The following NECAB2 variants were observed in gnomAD, a reference collection of about 807,000 sequenced individuals.
The protein encoded by NECAB2 is N-terminal EF-hand calcium binding protein 2.
Under a neutral mutation model 51.9 loss-of-function variants are expected in NECAB2, and 68 were observed. That is an observed-to-expected ratio of 1.31 (90% CI 1.08 to 1.60). The LOEUF (loss-of-function observed/expected upper bound fraction) is 1.60, where lower values mean the gene tolerates loss of function less well. Among genes scored for constraint, NECAB2 ranks in the 40% most tolerant of loss-of-function variants. NECAB2 has a pLI of 0.00. For synonymous variants in NECAB2, 329 were observed against 203.5 expected (o/e 1.62, Z -5.25); for missense variants, 854 against 490.3 (o/e 1.74, Z -7.00).
Position 84,001,817 on chromosome 16 carries a change from C to T in NECAB2, c.1041-8C>T, listed in dbSNP as rs368424881. On this transcript the variant is annotated splice_polypyrimidine_tract_variant and splice_region_variant and intron_variant, in intron 11 of 12. Coordinates refer to ENST00000305202, the MANE Select transcript of NECAB2 (RefSeq NM_019065.3). Reference sequence around the variant, plus strand: ...CACCCCTGACTCACACATGTCCCTGCGTCACAGGCACCTGCAGAGCCCCCT... The same window carrying T: ...CACCCCTGACTCACACATGTCCCTGTGTCACAGGCACCTGCAGAGCCCCCT... The T allele has an allele frequency of 1.2e-4, 201 of 1,613,802 alleles. No homozygotes were observed. Among genetic ancestry groups the T allele is most frequent in the Admixed American group, 1.7e-4 (10 of 60,002 alleles).
rs1180571699 is a variant in NECAB2 at position 83,990,455 on chromosome 16, A to C, written c.460-39A>C. The C allele has an allele frequency of 3.1e-6, 5 of 1,607,426 alleles. No individual in the cohort carries two copies. The African/African-American group carries it at 6.7e-5, about 22-fold the overall frequency. On this transcript the variant is annotated intron_variant, in intron 5 of 12. Coordinates refer to ENST00000305202, the MANE Select transcript of NECAB2 (RefSeq NM_019065.3). ...AGACCCCACCTCCAATTTCCCTCCC[A>C]CCCCTTTCCCCTCAGTGCCTCTTCT...
Position 83,997,209 on chromosome 16 carries a change from G to T in NECAB2, c.796-7G>T, listed in dbSNP as rs773622597. The T allele has an allele frequency of 1.9e-6, 3 of 1,614,138 alleles. No individual in the cohort carries two copies. The highest frequency in any genetic ancestry group is 2.5e-6 in the Non-Finnish European group (3 of 1,180,028). On this transcript the variant is annotated splice_region_variant and splice_polypyrimidine_tract_variant and intron_variant, in intron 8 of 12. Coordinates refer to ENST00000305202, the MANE Select transcript of NECAB2 (RefSeq NM_019065.3). ...GTCTAGCATCACTGTGTGCTGGATT[G>T]TTTCAGGCACTGTGGTTCGACCTGC...
intron 8 of NECAB2, among the ~76,000 whole-genome samples, chr16:83,995,472 A>T (rs1043983223): frequency 1.1e-4 from 17 of 152,258 alleles, no homozygotes; most frequent in African/African-American, 4.1e-4. Context: ...GGTTTAGCAC[A>T]GGGCCCGGTG....
rs542020310 is a variant in NECAB2, at chr16:83,980,430, C to G, written c.336-409C>G. On this transcript the variant is annotated intron_variant, in intron 3 of 12. Coordinates refer to ENST00000305202, the MANE Select transcript of NECAB2 (RefSeq NM_019065.3). ...GAACAGGAAGGGCTCTGCCACAACC[C>G]CAGGAACTCCAGGACCCAGCAGGCA... Among the ~76,000 whole-genome samples, 12 of 152,270 alleles carry G rather than the reference C, an allele frequency of 7.9e-5. 1 individual carries two copies. Among genetic ancestry groups the G allele is most frequent in the African/African-American group, 2.4e-4 (10 of 41,570 alleles).
At chr16:83,965,582 T>C (rs756109667), upstream of NECAB2, 36 of 1,612,940 alleles carry the variant, frequency 2.2e-5, no homozygotes, top group Non-Finnish European at 3.1e-5. Flanking sequence ...GTACCCCGAG[T>C]ACCACAAGGT....
Position 83,994,335 on chromosome 16 carries a change from A to C in NECAB2, c.630A>C (p.Ala210=), listed in dbSNP as rs2084666273. ...QNHIKPSHSA[A]QTWCGSPTPA... is the part of the protein sequence containing the mutation. ...ACATCAAACCCAGCCACAGCGCGGC[A>C]CAGACCTGGTGTGGAAGCCCCACTC... The change falls in exon 7 of 13, where the codon GCA becomes GCC. Residue 210 remains alanine, a synonymous_variant. Coordinates refer to ENST00000305202, the MANE Select transcript of NECAB2 (RefSeq NM_019065.3). 1 of 1,614,064 alleles carries C rather than the reference A, an allele frequency of 6.2e-7. No homozygotes were observed. Among genetic ancestry groups the C allele is most frequent in the African/African-American group, 1.3e-5 (1 of 74,920 alleles).
chr16:83,998,744 A>C (rs902231440), intron 10 of NECAB2, among the ~76,000 whole-genome samples: 8 of 152,200 alleles, frequency 5.3e-5, no homozygotes, highest in Admixed American at 5.2e-4. Flanking sequence ...TTAACCACTG[A>C]GGAAGGAGAG....
intron 6 of NECAB2, among the ~76,000 whole-genome samples, chr16:83,993,074 C>T (rs1404456386): frequency 2.0e-5 from 3 of 152,126 alleles, no homozygotes; most frequent in Non-Finnish European, 2.9e-5. Flanking sequence ...TGTCGTGATA[C>T]CTCTGTTCCA....
At chr16:84,001,065 T>A (rs1597233532) in intron 11 of NECAB2, among the ~76,000 whole-genome samples, 1 of 152,196 alleles carries the variant, frequency 6.6e-6, no homozygotes, top group African/African-American at 2.4e-5. Flanking sequence ...CACCTTGTCC[T>A]CCTGGAACAG....
At chr16:83,965,789 C>A (rs780308444), upstream of NECAB2, 4 of 1,612,974 alleles carry the variant, frequency 2.5e-6, no homozygotes, top group African/African-American at 5.3e-5. Context: ...CTCCTTCCTG[C>A]CTGGGGCAGG....
intron 11 of NECAB2, among the ~76,000 whole-genome samples, chr16:84,001,376 A>G (rs4997516): frequency 0.22 from 34,028 of 151,946 alleles, 7,983 homozygotes; most frequent in African/African-American, 0.6. Context: ...TTCCCTGGTA[A>G]ACACTCACGG....
In NECAB2 at chr16:83,989,703, CT is replaced by C. The variant is rs527840395; in HGVS notation, c.460-788del. On this transcript the variant is annotated intron_variant, in intron 5 of 12. Coordinates refer to ENST00000305202, the MANE Select transcript of NECAB2 (RefSeq NM_019065.3). The stretch of plus-strand genomic sequence containing the variant: ...AGCTTTCTCCCTTCTGCTGTAAAGT[CT>C]TTGCAGCCCAAAGCATCTCCACTGG... 2.6e-3 allele frequency among the ~76,000 whole-genome samples: 397 copies of C among 152,320 alleles called. 3 individuals carry two copies. Among genetic ancestry groups the C allele is most frequent in the Admixed American group, 0.01 (155 of 15,298 alleles).
intron 6 of NECAB2, among the ~76,000 whole-genome samples, chr16:83,991,731 C>T (rs936573213): frequency 6.6e-6 from 1 of 151,870 alleles, no homozygotes; most frequent in Admixed American, 6.6e-5. Context: ...TCACTGCAAT[C>T]TCCAACTCAG....
intron 5 of NECAB2, among the ~76,000 whole-genome samples, chr16:83,987,783 T>C (rs1401795810): frequency 6.6e-6 from 1 of 152,208 alleles, no homozygotes; most frequent in African/African-American, 2.4e-5. Flanking sequence ...TTTTGCACTA[T>C]TTCTTGAGGA....
chr16:83,971,272 C>T (rs985729979), intron 1 of NECAB2, among the ~76,000 whole-genome samples: 2 of 152,118 alleles, frequency 1.3e-5, no homozygotes, highest in African/African-American at 2.4e-5. Context: ...AACATTGGGC[C>T]TGGGAGGCTT....
intron 1 of NECAB2, among the ~76,000 whole-genome samples, chr16:83,970,009 G>A (rs528136185): frequency 4.6e-5 from 7 of 152,110 alleles, no homozygotes; most frequent in Non-Finnish European, 4.4e-5. Context: ...TCACGCACTC[G>A]CTTACGCACG....
intron 2 of NECAB2, among the ~76,000 whole-genome samples, chr16:83,973,838 G>A (rs961804137): frequency 2.0e-5 from 3 of 152,144 alleles, no homozygotes; most frequent in South Asian, 2.1e-4. Flanking sequence ...TTGGGAATGC[G>A]TGTGTCCAGC....
At chr16:83,967,140 G>C (rs1318978836), upstream of NECAB2, among the ~76,000 whole-genome samples, 1 of 152,080 alleles carries the variant, frequency 6.6e-6, no homozygotes, top group Non-Finnish European at 1.5e-5. Context: ...CCAAAGTGTT[G>C]GTATCACAGG....
intron 10 of NECAB2, among the ~76,000 whole-genome samples, chr16:84,000,061 T>A (rs28623479): frequency 9.6e-6 from 1 of 104,612 alleles, no homozygotes; most frequent in East Asian, 2.4e-4. Context: ...AAGTTTTATT[T>A]TTTTTTTTTT....
Sources: gnomAD v4.1 joint callset for allele counts (sites outside exome capture counted in the v4.1 genomes callset) on GRCh38, gnomAD v4.1.1 for gene constraint, MANE v1.5 for transcripts, NCBI Gene and HGNC (gene_info 2026-07-23, HGNC 2026-07-21) for gene names.